Variants in ZNF875 observed in about 807,000 individuals in gnomAD.
ZNF875 encodes zinc finger protein 875.
A neutral mutation model predicts 11.2 loss-of-function variants in ZNF875; 14 were observed. The observed-to-expected ratio is 1.26, with a 90% CI of 0.83 to 1.96. The LOEUF is 1.96. Among genes scored for constraint, ZNF875 ranks in the 30% most tolerant of loss-of-function variants. The pLI is 0.00. For synonymous variants in ZNF875, 301 were observed against 281.1 expected (o/e 1.07, Z -0.71); for missense variants, 752 against 760.4 (o/e 0.99, Z 0.13).
In ZNF875 at chr19:37,334,725, C is replaced by G. The variant is rs1308676876; in HGVS notation, c.-114C>G. The G allele has an allele frequency of 8.8e-6, 4 of 455,992 alleles. No individual in the cohort carries two copies. Among genetic ancestry groups the G allele is most frequent in the African/African-American group, 6.0e-5 (3 of 50,070 alleles). 28.2% of individuals were successfully genotyped at this position (455,992 alleles called of 1,614,324 possible). On this transcript the variant is annotated 5_prime_UTR_variant, in exon 1 of 5. Transcript: ENST00000392153. ...CTCCCTCTTAAGGTCTTTCCCACAC[C>G]TCTGCACCTTGTTACCTGACTTTCG...
intron 2 of ZNF875, among the ~76,000 whole-genome samples, chr19:37,336,741 T>C (rs1282632322): frequency 6.6e-6 from 1 of 150,852 alleles, no homozygotes; most frequent in African/African-American, 2.4e-5. Flanking sequence ...ACCCTGTCTC[T>C]ACTAAAAATA....
chr19:37,355,407 C>T (rs1248468086), intron 4 of ZNF875, among the ~76,000 whole-genome samples: 2 of 152,148 alleles, frequency 1.3e-5, no homozygotes, highest in Non-Finnish European at 2.9e-5. Context: ...TCAGGCTGGT[C>T]TTGAACACCT....
rs774156728 is a variant in ZNF875 at position 37,347,196 on chromosome 19, G to T, written c.40G>T (p.Val14Leu). ...GLLRAKKEAFVAFRDVAVYFT... is the reference protein window; with the variant it reads ...GLLRAKKEAFLAFRDVAVYFT... ...GGTGTGTTTTGTGTTAAAGGCGTTC[G>T]TGGCATTCAGGGATGTGGCTGTGTA... The change falls in exon 3 of 5, where the codon GTG becomes TTG. Residue 14 changes from valine (V) to leucine (L), a missense_variant. Transcript: ENST00000392153. 1.2e-6 allele frequency: 2 copies of T among 1,614,042 alleles called. No homozygotes were observed. The highest frequency in any genetic ancestry group is 1.7e-6 in the Non-Finnish European group (2 of 1,179,956).
chr19:37,358,516 ACT>A (rs2039339484), intron 4 of ZNF875: 2 of 123,998 alleles, frequency 1.6e-5, no homozygotes, highest in African/African-American at 7.0e-5. Context: ...CTCAGTTCTC[ACT>A]TTTTTTTTTT....
intron 4 of ZNF875, among the ~76,000 whole-genome samples, chr19:37,326,896 G>C (rs2032546083): frequency 6.6e-6 from 1 of 151,808 alleles, no homozygotes; most frequent in Non-Finnish European, 1.5e-5. Flanking sequence ...TTGAACTCTT[G>C]ACCTCAAGTG....
upstream of ZNF875, among the ~76,000 whole-genome samples, chr19:37,331,824 A>G (rs1217416735): frequency 7.7e-5 from 10 of 130,632 alleles, 1 homozygote; most frequent in Admixed American, 8.0e-4. Context: ...CGACACCCGT[A>G]AAGGGTCTGT....
Position 37,355,197 on chromosome 19 carries a change from T to G in ZNF875, c.257-6912T>G, listed in dbSNP as rs922163423. ...GTTTTGTTTTTGTCTTTGTTTTTGT[T>G]TTTGTTTTTTGAGACAGAGTCTCGC... On this transcript the variant is annotated intron_variant, in intron 4 of 4. Coordinates refer to ENST00000392153, the MANE Select transcript of ZNF875 (RefSeq NM_001353803.2). Among the ~76,000 whole-genome samples, 5 of 152,164 alleles carry G rather than the reference T, an allele frequency of 3.3e-5. No individual in the cohort carries two copies. The East Asian group carries it at 9.6e-4, about 29-fold the overall frequency.
upstream of ZNF875, among the ~76,000 whole-genome samples, chr19:37,332,731 T>C (rs1416154843): frequency 6.6e-6 from 1 of 152,248 alleles, no homozygotes; most frequent in Non-Finnish European, 1.5e-5. Flanking sequence ...TTTTTTGTTT[T>C]TTGCTGATTT....
At chr19:37,314,763 A>G (rs962455962), upstream of ZNF875, 11 of 151,430 alleles carry the variant, frequency 7.3e-5, no homozygotes, top group African/African-American at 2.7e-4. Flanking sequence ...AAAAAAAAAA[A>G]AAAAAGAAGA....
At chr19:37,344,089 A>G (rs1420071072) in intron 2 of ZNF875, among the ~76,000 whole-genome samples, 1 of 152,138 alleles carries the variant, frequency 6.6e-6, no homozygotes, top group Non-Finnish European at 1.5e-5. Flanking sequence ...AACTTTGTTT[A>G]ATTCTCACAA....
At chr19:37,355,895 A>G (rs1417995582) in intron 4 of ZNF875, among the ~76,000 whole-genome samples, 1 of 152,220 alleles carries the variant, frequency 6.6e-6, no homozygotes, top group Non-Finnish European at 1.5e-5. Context: ...TAGTTTACAT[A>G]GTACCTGATA....
intron 4 of ZNF875, chr19:37,359,409 CTTT>C (rs71177443): frequency 8.0e-4 from 150 of 188,624 alleles, no homozygotes; most frequent in South Asian, 1.9e-3. Context: ...ATAGTCTTTT[CTTT>C]TTTTTTTTTT....
At chr19:37,350,307 G>A (rs2037631653) in intron 4 of ZNF875, among the ~76,000 whole-genome samples, 1 of 151,304 alleles carries the variant, frequency 6.6e-6, no homozygotes, top group African/African-American at 2.4e-5. Context: ...TAGCCAGGAT[G>A]GTCTCCATCT....
chr19:37,330,431 G>C (rs2033199546), upstream of ZNF875, among the ~76,000 whole-genome samples: 1 of 152,066 alleles, frequency 6.6e-6, no homozygotes, highest in Non-Finnish European at 1.5e-5. Flanking sequence ...CCTGATCCTT[G>C]TGCACCCACT....
At chr19:37,332,924 G>A (rs1243881320), upstream of ZNF875, among the ~76,000 whole-genome samples, 2 of 152,168 alleles carry the variant, frequency 1.3e-5, no homozygotes. Flanking sequence ...TAACTCAGGT[G>A]AGAGTGTATC....
chr19:37,316,278 A>G (rs1191424483), upstream of ZNF875, among the ~76,000 whole-genome samples: 1 of 152,260 alleles, frequency 6.6e-6, no homozygotes, highest in Admixed American at 6.5e-5. Flanking sequence ...TCCTAGGTTC[A>G]GTTTTGCAAA....
intron 4 of ZNF875, among the ~76,000 whole-genome samples, chr19:37,348,295 TAAAA>T (rs2037216337): frequency 6.6e-6 from 1 of 152,180 alleles, no homozygotes; most frequent in Admixed American, 6.5e-5. Flanking sequence ...TGACTAATAA[TAAAA>T]TACATACTCA....
At chr19:37,321,836 G>A (rs2031532167) in intron 1 of ZNF875, among the ~76,000 whole-genome samples, 8 of 152,148 alleles carry the variant, frequency 5.3e-5, no homozygotes, top group Admixed American at 5.2e-4. Context: ...GGCAAGAAAT[G>A]TTGAGCCATT....
At chr19:37,320,375 A>G (rs2031172793) in intron 1 of ZNF875, among the ~76,000 whole-genome samples, 1 of 152,222 alleles carries the variant, frequency 6.6e-6, no homozygotes, top group African/African-American at 2.4e-5. Flanking sequence ...CAGCATCTCC[A>G]AATAGCCTTC....
Sources: gnomAD v4.1 joint callset for allele counts (sites outside exome capture counted in the v4.1 genomes callset) on GRCh38, gnomAD v4.1.1 for gene constraint, MANE v1.5 for transcripts, NCBI Gene and HGNC (gene_info 2026-07-23, HGNC 2026-07-21) for gene names.